Variants in ZC3H18 observed in about 807,000 individuals in gnomAD.
The protein encoded by ZC3H18 is zinc finger CCCH-type containing 18.
Under a neutral mutation model 106.1 loss-of-function variants are expected in ZC3H18, and 8 were observed. That is an observed-to-expected ratio of 0.08 (90% CI 0.04 to 0.14). ZC3H18 has a LOEUF of 0.14. ZC3H18 is among the 10% of genes least tolerant of loss of function. The pLI is 1.00. For synonymous variants in ZC3H18, 635 were observed against 522.1 expected (o/e 1.22, Z -2.95); for missense variants, 1,318 against 1,278.4 (o/e 1.03, Z -0.47).
At chr16:88,594,387 A>G (rs1904328044) in intron 3 of ZC3H18, among the ~76,000 whole-genome samples, 1 of 152,220 alleles carries the variant, frequency 6.6e-6, no homozygotes, top group African/African-American at 2.4e-5. Context: ...CAGGGAATTG[A>G]TATTTACTGT....
Position 88,630,498 on chromosome 16 carries a change from G to T in ZC3H18, c.2580G>T (p.Arg860=), listed in dbSNP as rs1906594539. ...NTSPDRGSRD[R]KSGGRLGSPK... ...CCTATCACCCAGGTTCTCGGGACCG[G>T]AAGTCAGGTGGGAGACTGGGCTCCC... The change falls in exon 17 of 18, where the codon CGG becomes CGT. Residue 860 remains arginine (R), a synonymous_variant. Coordinates refer to ENST00000301011, the MANE Select transcript of ZC3H18 (RefSeq NM_144604.4). 6.2e-7 allele frequency: 1 copy of T among 1,613,448 alleles called. No homozygotes were observed. The highest frequency in any genetic ancestry group is 8.5e-7 in the Non-Finnish European group (1 of 1,179,916).
chr16:88,577,048 T>G, intron 1 of ZC3H18, 62 bp from the exon 2 acceptor site: 1 of 1,488,282 alleles, frequency 6.7e-7, no homozygotes. Flanking sequence ...GCCAGGAAAG[T>G]AGGGACAAGG....
chr16:88,598,592 C>T (rs1483045962), intron 4 of ZC3H18, 28 bp from the exon 5 acceptor site: 2 of 1,588,680 alleles, frequency 1.3e-6, no homozygotes, highest in Non-Finnish European at 1.7e-6. Flanking sequence ...TTTACTTTCT[C>T]ACCTTCTCCC....
chr16:88,630,437 A>C, intron 16 of ZC3H18, 48 bp from the exon 17 acceptor site: 1 of 1,527,154 alleles, frequency 6.5e-7, no homozygotes, highest in East Asian at 2.3e-5. Context: ...CCACACAGCC[A>C]TTCCCTGTAC....
At chr16:88,613,944 G>A (rs974797695) in intron 8 of ZC3H18, among the ~76,000 whole-genome samples, 3 of 152,140 alleles carry the variant, frequency 2.0e-5, no homozygotes, top group Admixed American at 6.5e-5. Flanking sequence ...AAAAGGGGGG[G>A]TGTCGATGAG....
chr16:88,615,537 AATTG>A (rs1486093241), intron 8 of ZC3H18, among the ~76,000 whole-genome samples: 3 of 152,172 alleles, frequency 2.0e-5, no homozygotes, highest in Non-Finnish European at 2.9e-5. Flanking sequence ...TGCATGTCAT[AATTG>A]ATTGTTACAG....
At chr16:88,588,641 A>T (rs1437279754) in intron 3 of ZC3H18, among the ~76,000 whole-genome samples, 1 of 152,146 alleles carries the variant, frequency 6.6e-6, no homozygotes, top group East Asian at 1.9e-4. Context: ...AGCAAGTGAG[A>T]CCATGTGGAA....
intron 8 of ZC3H18, among the ~76,000 whole-genome samples, chr16:88,612,772 T>A (rs1905344305): frequency 1.3e-5 from 2 of 151,980 alleles, no homozygotes; most frequent in South Asian, 4.1e-4. Context: ...GCGGCCGGGA[T>A]GGACAGATTG....
intron 3 of ZC3H18, chr16:88,587,642 C>T (rs898426592): frequency 5.3e-6 from 8 of 1,521,498 alleles, no homozygotes; most frequent in African/African-American, 1.4e-5. Flanking sequence ...TCACTCTCTT[C>T]AGTACCTTAA....
intron 8 of ZC3H18, among the ~76,000 whole-genome samples, chr16:88,613,076 A>C (rs1905362373): frequency 6.6e-6 from 1 of 152,228 alleles, no homozygotes; most frequent in Non-Finnish European, 1.5e-5. Context: ...GTCTCTTAGC[A>C]GCTTTGTGTC....
intron 3 of ZC3H18, among the ~76,000 whole-genome samples, chr16:88,595,861 GAA>G (rs1216156651): frequency 6.6e-6 from 1 of 152,166 alleles, no homozygotes; most frequent in East Asian, 1.9e-4. Context: ...CAGAAGGCAA[GAA>G]AATAAAATCT....
At chr16:88,612,834 C>A (rs1026625989) in intron 8 of ZC3H18, among the ~76,000 whole-genome samples, 1 of 150,720 alleles carries the variant, frequency 6.6e-6, no homozygotes, top group African/African-American at 2.4e-5. Context: ...AATCCCGTCT[C>A]TACAAAAAAA....
chr16:88,622,981 A>G, intron 9 of ZC3H18: 1 of 575,892 alleles, frequency 1.7e-6, no homozygotes, highest in Non-Finnish European at 3.0e-6. Flanking sequence ...GGCACACCCC[A>G]CGCCCAGGTC....
intron 8 of ZC3H18, among the ~76,000 whole-genome samples, chr16:88,618,778 T>G (rs1233066534): frequency 1.3e-5 from 2 of 152,234 alleles, no homozygotes; most frequent in Non-Finnish European, 2.9e-5. Flanking sequence ...AGAGGTCATC[T>G]GGAGGGTTCT....
intron 3 of ZC3H18, among the ~76,000 whole-genome samples, chr16:88,594,274 T>C (rs931331182): frequency 6.6e-6 from 1 of 152,188 alleles, no homozygotes; most frequent in Non-Finnish European, 1.5e-5. Flanking sequence ...TTACTATATA[T>C]TGGATATCTT....
chr16:88,628,768 A>T lies in ZC3H18; in HGVS notation c.2480A>T (p.Lys827Ile), dbSNP rs752546968. 6.2e-7 allele frequency: 1 copy of T among 1,613,934 alleles called. No homozygotes were observed. The highest frequency in any genetic ancestry group is 1.1e-5 in the South Asian group (1 of 91,088). ...KLTLLNKAAD[K>I]GSRKRYEPSD... is the part of the protein sequence containing the mutation. ...TCTCTCTTGTCCCAGGCGGCTGATA[A>T]AGGAAGCAGGAAGCGCTATGAACCA... The change falls in exon 16 of 18, where the codon AAA becomes ATA. Residue 827 changes from lysine (K) to isoleucine (I), a missense_variant. Coordinates refer to ENST00000301011, the MANE Select transcript of ZC3H18 (RefSeq NM_144604.4).
rs1200635011 is a variant in ZC3H18 at position 88,577,516 on chromosome 16, T to C, written c.393T>C (p.Asp131=). The change falls in exon 2 of 18, where the codon GAT becomes GAC. Residue 131 remains aspartate (D), a synonymous_variant. Transcript: ENST00000301011. ...TGGATGAGCATGAGCTAGACTACGA[T>C]GAGGAGGTTCCTGAGGAGCCAGCTC... The part of the protein sequence containing the change: ...RELDEHELDY[D]EEVPEEPAPA... 1.2e-5 allele frequency: 19 copies of C among 1,612,886 alleles called. No individual in the cohort carries two copies. The highest frequency in any genetic ancestry group is 1.6e-5 in the Non-Finnish European group (19 of 1,179,762).
chr16:88,590,971 C>CT (rs71158738), intron 3 of ZC3H18, among the ~76,000 whole-genome samples: 10,661 of 97,734 alleles, frequency 0.11, 490 homozygotes, highest in Non-Finnish European at 0.14. Flanking sequence ...TGGTGGAATA[C>CT]TTTTTTTTTT....
At chr16:88,577,966 C>A (rs563320268) in intron 2 of ZC3H18, among the ~76,000 whole-genome samples, 74 of 152,300 alleles carry the variant, frequency 4.9e-4, no homozygotes, top group African/African-American at 1.8e-3. Context: ...TGGCCCTCGG[C>A]CGGCCAGCTG....
Sources: gnomAD v4.1 joint callset for allele counts (sites outside exome capture counted in the v4.1 genomes callset) on GRCh38, gnomAD v4.1.1 for gene constraint, MANE v1.5 for transcripts, NCBI Gene and HGNC (gene_info 2026-07-23, HGNC 2026-07-21) for gene names.